OGG1: variants seen among roughly 807,000 people sequenced by gnomAD.
OGG1 encodes 8-oxoguanine DNA glycosylase.
OGG1 carries 35 observed loss-of-function variants against 42.3 expected under a neutral mutation model. The observed-to-expected ratio is 0.83, with a 90% CI of 0.63 to 1.10. The LOEUF (loss-of-function observed/expected upper bound fraction) is 1.10, where lower values mean the gene tolerates loss of function less well. OGG1 is among the 50% of genes least tolerant of loss of function. The pLI is 0.00. For missense variants in OGG1, 484 were observed against 446.7 expected (o/e 1.08, Z -0.75); for synonymous variants, 189 against 179.0 (o/e 1.06, Z -0.44).
chr3:9,755,980 AC>A (rs1276139391), intron 4 of OGG1, among the ~76,000 whole-genome samples: 1 of 152,168 alleles, frequency 6.6e-6, no homozygotes, highest in Non-Finnish European at 1.5e-5. Context: ...AACCTGGCCC[AC>A]ATAGGTGTTC....
At chr3:9,757,944 T>C, downstream of OGG1, 3 of 1,506,290 alleles carry the variant, frequency 2.0e-6, no homozygotes, top group South Asian at 2.7e-5. The surrounding 1 kb of genome is among the most constrained non-coding windows in gnomAD (Gnocchi z 4.5). Context: ...ATTGTTCTGT[T>C]ATTTTCATTC....
chr3:9,759,448 C>G, downstream of OGG1: 1 of 1,613,720 alleles, frequency 6.2e-7, no homozygotes, highest in Non-Finnish European at 8.5e-7. Context: ...GGGGAGGAGT[C>G]CTGGGGAGGC....
chr3:9,782,663 T>A (rs1307508143), intron 3 of OGG1, among the ~76,000 whole-genome samples: 1 of 152,124 alleles, frequency 6.6e-6, no homozygotes, highest in Non-Finnish European at 1.5e-5. Flanking sequence ...TGGTAGTGCA[T>A]GCCTGTAATC....
rs189302500 is a variant in OGG1, at chr3:9,757,212, T to C, written c.*62T>C. 76 of 1,613,582 alleles carry C rather than the reference T, an allele frequency of 4.7e-5. No individual in the cohort carries two copies. In the African/African-American group the frequency reaches 8.8e-4, roughly 19 times the overall value. On this transcript the variant is annotated 3_prime_UTR_variant, in exon 7 of 7. Coordinates refer to ENST00000344629, the MANE Select transcript of OGG1 (RefSeq NM_002542.6). This position sits in a 1 kb window ranked among gnomAD's most constrained non-coding sequence, Gnocchi z 4.5. ...TTCCCCTCCATTCCCCACTTCTCTC[T>C]CCCCATCCCCACCCAGTCTCATGTT...
chr3:9,751,975 A>C, intron 3 of OGG1, 26 bp downstream of exon 3: 2 of 1,607,912 alleles, frequency 1.2e-6, no homozygotes, highest in Non-Finnish European at 1.7e-6. Flanking sequence ...CCCTGCCCCC[A>C]GGCCTTCCAT....
chr3:9,761,877 T>TGAA (rs1231193867), downstream of OGG1: 90 of 1,435,394 alleles, frequency 6.3e-5, no homozygotes, highest in Non-Finnish European at 7.7e-5. Flanking sequence ...TGTGGCTTCA[T>TGAA]GGCTGTCATA....
chr3:9,789,946 C>T, downstream of OGG1: 1 of 1,601,858 alleles, frequency 6.2e-7, no homozygotes, highest in Non-Finnish European at 8.5e-7. Flanking sequence ...CTTTCTTATC[C>T]TGCCAGTCGG....
chr3:9,750,304 T>C lies in OGG1; in HGVS notation c.18T>C (p.Leu6=). MPARA[L]LPRRMGHRTL... ...CTGTGGAAATGCCTGCCCGCGCGCT[T>C]CTGCCCAGGCGCATGGGGCATCGTA... The change falls in exon 1 of 7, where the codon CTT becomes CTC. Residue 6 remains leucine (L), a synonymous_variant. Transcript: ENST00000344629. 1 of 1,612,344 alleles carries C rather than the reference T, an allele frequency of 6.2e-7. No homozygotes were observed. The highest frequency in any genetic ancestry group is 8.5e-7 in the Non-Finnish European group (1 of 1,178,960).
intron 2 of OGG1, among the ~76,000 whole-genome samples, chr3:9,778,740 G>A (rs369131936): frequency 7.9e-5 from 12 of 152,310 alleles, no homozygotes; most frequent in East Asian, 3.9e-4. Context: ...TTACATGCCT[G>A]CTTCTGGGAC....
At chr3:9,787,297 T>A (rs1262391827) in intron 3 of OGG1, 2 of 1,613,974 alleles carry the variant, frequency 1.2e-6, no homozygotes, top group African/African-American at 1.3e-5. Context: ...CAGCAGGTCC[T>A]CCTGGGCCCA....
downstream of OGG1, among the ~76,000 whole-genome samples, chr3:9,769,028 AAC>A (rs1427681733): frequency 2.6e-5 from 4 of 151,954 alleles, no homozygotes; most frequent in African/African-American, 9.7e-5. Flanking sequence ...CCTGAACTCA[AAC>A]ACCTGCCTCC....
chr3:9,766,543 T>G, exon 8 of OGG1: 2 of 542,990 alleles, frequency 3.7e-6, no homozygotes, highest in South Asian at 2.2e-5. Context: ...ACTAAATCAA[T>G]CTGCAGTTTA....
chr3:9,762,992 G>A (rs571435712), intron 7 of OGG1: 113 of 1,614,144 alleles, frequency 7.0e-5, no homozygotes, highest in Non-Finnish European at 8.9e-5. Flanking sequence ...GGCGGCTGGC[G>A]TCCCGCTCCG....
downstream of OGG1, among the ~76,000 whole-genome samples, chr3:9,767,261 A>G (rs2078179802): frequency 1.3e-5 from 2 of 151,986 alleles, no homozygotes; most frequent in African/African-American, 4.8e-5. Context: ...CCCTGTTGTC[A>G]TTTTCTGTAG....
downstream of OGG1, chr3:9,760,662 C>A: frequency 6.2e-7 from 1 of 1,613,926 alleles, no homozygotes; most frequent in South Asian, 1.1e-5. Flanking sequence ...ATACCAGAGT[C>A]AGAGATGTCG....
At chr3:9,754,964 G>A in intron 4 of OGG1, 79 bp downstream of exon 4, 1 of 1,309,776 alleles carries the variant, frequency 7.6e-7, no homozygotes, top group Non-Finnish European at 1.1e-6. Context: ...CCTGGGAGCT[G>A]GGTGGAGGCT....
downstream of OGG1, chr3:9,759,131 G>T (rs986137679): frequency 1.4e-6 from 2 of 1,414,964 alleles, no homozygotes; most frequent in Non-Finnish European, 2.0e-6. Flanking sequence ...TGCACTTCCC[G>T]GAATGGCTAT....
exon 8 of OGG1, chr3:9,765,984 G>A: frequency 1.9e-6 from 3 of 1,614,172 alleles, no homozygotes; most frequent in Non-Finnish European, 2.5e-6. Context: ...GACCACTGCT[G>A]GACCAAGGAC....
chr3:9,757,501 C>A, downstream of OGG1: 1 of 1,605,192 alleles, frequency 6.2e-7, no homozygotes, highest in Non-Finnish European at 8.5e-7. This position sits in a 1 kb window ranked among gnomAD's most constrained non-coding sequence, Gnocchi z 4.5. Context: ...GCCCCCAAGC[C>A]CTCCCACGCA....
Sources: gnomAD v4.1 joint callset for allele counts (sites outside exome capture counted in the v4.1 genomes callset) on GRCh38, gnomAD v4.1.1 for gene constraint, Gnocchi (gnomAD v3.1) non-coding constraint, MANE v1.5 for transcripts, NCBI Gene and HGNC (gene_info 2026-07-23, HGNC 2026-07-21) for gene names.